The following ANGPT1 variants were observed in gnomAD, a reference collection of about 807,000 sequenced individuals.
ANGPT1 encodes angiopoietin 1.
A neutral mutation model predicts 62.2 loss-of-function variants in ANGPT1; 17 were observed. The ratio of observed to expected loss-of-function variants is 0.27; its 90% CI spans 0.19 to 0.41. The LOEUF (loss-of-function observed/expected upper bound fraction) is 0.41. ANGPT1 is among the 10% of genes least tolerant of loss of function. The pLI is 1.00. For synonymous variants in ANGPT1, 199 were observed against 198.9 expected (o/e 1.00, Z 0.00); for missense variants, 478 against 594.9 (o/e 0.80, Z 2.04).
intron 1 of ANGPT1, among the ~76,000 whole-genome samples, chr8:107,415,275 A>C (rs891837629): frequency 6.6e-6 from 1 of 152,168 alleles, no homozygotes; most frequent in African/African-American, 2.4e-5. Flanking sequence ...GTTGAGCAAG[A>C]CTTGATTTTG....
At position 107,443,384 on chromosome 8, in the gene ANGPT1, T is replaced by G. The variant is rs530524317; in HGVS notation, c.297+53878A>C. 8.5e-5 allele frequency among the ~76,000 whole-genome samples: 13 copies of G among 152,362 alleles called. No individual in the cohort carries two copies. In the East Asian group the frequency reaches 2.1e-3, roughly 25 times the overall value. Reference sequence around the variant, plus strand: ...AATCAGTGTCTTTGAGAAAGTTAATTAGCTAATGTTAGGAGATTGAGCTAA... The same window carrying G: ...AATCAGTGTCTTTGAGAAAGTTAATGAGCTAATGTTAGGAGATTGAGCTAA... On this transcript the variant is annotated intron_variant, in intron 1 of 8. Transcript: ENST00000517746.
At chr8:107,492,034 T>C (rs1812971697) in intron 1 of ANGPT1, among the ~76,000 whole-genome samples, 1 of 151,668 alleles carries the variant, frequency 6.6e-6, no homozygotes. Flanking sequence ...CTGCCTAACT[T>C]CTGGGTCTGA....
chr8:107,370,053 T>A (rs113982797), intron 1 of ANGPT1, among the ~76,000 whole-genome samples: 24,860 of 151,056 alleles, frequency 0.16, 2,513 homozygotes, highest in Admixed American at 0.23. Context: ...GGAAGATTGA[T>A]TGAGCCATGG....
At chr8:107,430,536 C>A (rs1291441819) in intron 1 of ANGPT1, among the ~76,000 whole-genome samples, 57 of 152,122 alleles carry the variant, frequency 3.7e-4, no homozygotes, top group Non-Finnish European at 2.2e-4. Flanking sequence ...CCCTTCTAAA[C>A]CTTGGAACTT....
intron 2 of ANGPT1, among the ~76,000 whole-genome samples, chr8:107,339,997 G>A (rs1321023376): frequency 6.6e-6 from 1 of 152,088 alleles, no homozygotes; most frequent in Non-Finnish European, 1.5e-5. Flanking sequence ...CCATCACCTT[G>A]ACCCCATTGC....
chr8:107,278,581 T>C (rs1039503343), intron 7 of ANGPT1, among the ~76,000 whole-genome samples: 1 of 152,208 alleles, frequency 6.6e-6, no homozygotes, highest in Non-Finnish European at 1.5e-5. Context: ...TGGGGTTGGC[T>C]AAAAGAGAAT....
At chr8:107,319,159 T>C (rs763193393) in intron 4 of ANGPT1, among the ~76,000 whole-genome samples, 17 of 152,340 alleles carry the variant, frequency 1.1e-4, no homozygotes, top group Middle Eastern at 3.4e-3. Flanking sequence ...CGCTTGTATA[T>C]TGAGCATCTA....
intron 1 of ANGPT1, among the ~76,000 whole-genome samples, chr8:107,437,930 T>C (rs1446664272): frequency 6.6e-6 from 1 of 152,190 alleles, no homozygotes; most frequent in Non-Finnish European, 1.5e-5. Context: ...CAGCAGAACC[T>C]GTGTAGGGCA....
At chr8:107,280,354 C>T (rs1199937359) in intron 7 of ANGPT1, among the ~76,000 whole-genome samples, 1 of 152,072 alleles carries the variant, frequency 6.6e-6, no homozygotes, top group Non-Finnish European at 1.5e-5. Context: ...GCATGTGCTA[C>T]CACGCCCGGC....
At chr8:107,378,974 A>C in intron 1 of ANGPT1, among the ~76,000 whole-genome samples, 1 of 151,176 alleles carries the variant, frequency 6.6e-6, no homozygotes. Flanking sequence ...CTGCTTCAAG[A>C]CTATTTTTAG....
At chr8:107,457,215 T>C (rs1052053132) in intron 1 of ANGPT1, among the ~76,000 whole-genome samples, 19 of 152,260 alleles carry the variant, frequency 1.2e-4, no homozygotes, top group Middle Eastern at 3.4e-3. Context: ...TAGAGGTATA[T>C]ATGCAAATCT....
chr8:107,294,596 G>A (rs1002150334), intron 5 of ANGPT1: 1 of 152,136 alleles, frequency 6.6e-6, no homozygotes, highest in Non-Finnish European at 1.5e-5. Flanking sequence ...AACATTTGTG[G>A]CATAGCATAT....
intron 7 of ANGPT1, among the ~76,000 whole-genome samples, chr8:107,273,713 C>G (rs1020044542): frequency 2.0e-5 from 3 of 152,050 alleles, no homozygotes; most frequent in Middle Eastern, 3.4e-3. Flanking sequence ...CTCTATGAAG[C>G]CTTTCCCAGT....
intron 1 of ANGPT1, among the ~76,000 whole-genome samples, chr8:107,349,216 G>A (rs1815880916): frequency 6.6e-6 from 1 of 152,036 alleles, no homozygotes; most frequent in Non-Finnish European, 1.5e-5. Flanking sequence ...ACAGAGTCAG[G>A]TGATTCCTTT....
intron 1 of ANGPT1, among the ~76,000 whole-genome samples, chr8:107,414,695 G>A (rs940530480): frequency 6.6e-6 from 1 of 152,120 alleles, no homozygotes; most frequent in Non-Finnish European, 1.5e-5. Context: ...ATCAACCTTT[G>A]AGACCTAGTA....
chr8:107,454,002 G>A (rs1811850713), intron 1 of ANGPT1, among the ~76,000 whole-genome samples: 1 of 152,000 alleles, frequency 6.6e-6, no homozygotes, highest in Non-Finnish European at 1.5e-5. Flanking sequence ...GTTATGTGGT[G>A]GTGATTTGTA....
chr8:107,307,316 C>A (rs1326126011), intron 4 of ANGPT1, among the ~76,000 whole-genome samples: 1 of 152,060 alleles, frequency 6.6e-6, no homozygotes, highest in Non-Finnish European at 1.5e-5. Flanking sequence ...ATAGGTAAAT[C>A]CCAACCCCCA....
chr8:107,304,662 A>G (rs1163017988), intron 4 of ANGPT1, among the ~76,000 whole-genome samples: 1 of 151,934 alleles, frequency 6.6e-6, no homozygotes, highest in African/African-American at 2.4e-5. Flanking sequence ...GGAAATAATT[A>G]CTATTTCAAT....
chr8:107,329,753 T>A lies in ANGPT1; in HGVS notation c.575+6397A>T, dbSNP rs956188503. Among the ~76,000 whole-genome samples the A allele has an allele frequency of 2.0e-5, 3 of 152,030 alleles. No homozygotes were observed. The South Asian group carries it at 6.2e-4, about 31-fold the overall frequency. ...TATTGGGACATTTCCCAGTTCCTTA[T>A]TCATTTAGCATTCAAAATGCATTTA... On this transcript the variant is annotated intron_variant, in intron 3 of 8. Transcript: ENST00000517746.
Sources: gnomAD v4.1 joint callset for allele counts (sites outside exome capture counted in the v4.1 genomes callset) on GRCh38, gnomAD v4.1.1 for gene constraint, MANE v1.5 for transcripts, NCBI Gene and HGNC (gene_info 2026-07-23, HGNC 2026-07-21) for gene names.